The following ARHGEF33 variants were observed in gnomAD, a reference collection of about 807,000 sequenced individuals.
ARHGEF33 encodes the protein Rho guanine nucleotide exchange factor 33.
In ARHGEF33, 72 loss-of-function variants were observed where a neutral mutation model predicts 101.9. That is an observed-to-expected ratio of 0.71 (90% confidence interval 0.58 to 0.86). The LOEUF (loss-of-function observed/expected upper bound fraction) is 0.86. ARHGEF33 is among the 40% of genes least tolerant of loss of function. The probability of loss-of-function intolerance (pLI) is 0.00; values close to 1 mark genes in which losing one functional copy is unlikely to be tolerated. For missense variants in ARHGEF33, 1,169 were observed against 1,111.3 expected, an observed-to-expected ratio of 1.05 and a Z score of -0.74; for synonymous variants, 499 against 442.5, an observed-to-expected ratio of 1.13 and a Z score of -1.60.
At chr2:38,938,357 G>A (rs183897316) in intron 9 of ARHGEF33, among the ~76,000 whole-genome samples, 1 of 152,188 alleles carries the variant, frequency 6.6e-6, no homozygotes, top group East Asian at 1.9e-4. Flanking sequence ...AACATAGTGA[G>A]ACCCCTGTCT....
chr2:38,960,433 A>T lies in ARHGEF33; in HGVS notation c.2128A>T (p.Lys710Ter). The T allele has an allele frequency of 2.7e-6, 4 of 1,508,582 alleles. No homozygotes were observed. Among genetic ancestry groups the T allele is most frequent in the Non-Finnish European group, 3.5e-6 (4 of 1,135,388 alleles). 93.4% of individuals were successfully genotyped at this position (1,508,582 alleles called of 1,614,324 possible). A position where few individuals can be genotyped will look rare whatever the true frequency, so the allele number is the denominator to read the frequency against. ...GGCCAAGCCGCTGAGCCGCTCTCTC[A>T]AAGAGTTCCCGCGTGCGCCGCCAGC... is the stretch of plus-strand genomic sequence containing the variant. The part of the protein sequence containing the change: ...GKAKPLSRSL[K>*]EFPRAPPADG... The change falls in exon 16 of 18, where the codon AAA becomes TAA. Residue 710 changes from lysine to a stop codon, truncating the protein, a stop_gained. Transcript: ENST00000409978. LOFTEE classifies it high-confidence loss of function.
At chr2:38,955,073 T>C (rs995118586) in intron 13 of ARHGEF33, among the ~76,000 whole-genome samples, 5 of 152,218 alleles carry the variant, frequency 3.3e-5, no homozygotes, top group African/African-American at 1.2e-4. Context: ...CCTCATCCAG[T>C]TCTTTCCATT....
chr2:38,947,179 G>C (rs1667471933), intron 10 of ARHGEF33, among the ~76,000 whole-genome samples: 2 of 152,158 alleles, frequency 1.3e-5, no homozygotes, highest in African/African-American at 4.8e-5. Context: ...TCCACTGCAA[G>C]TACAACTTGA....
chr2:38,941,685 C>T (rs1186341917), intron 9 of ARHGEF33, among the ~76,000 whole-genome samples: 1 of 151,786 alleles, frequency 6.6e-6, no homozygotes, highest in Non-Finnish European at 1.5e-5. Context: ...GTAGCTGGGA[C>T]TACAGCCGTC....
At chr2:38,943,840 A>G in intron 9 of ARHGEF33, 61 bp from the exon 10 acceptor site, 2 of 1,483,574 alleles carry the variant, frequency 1.3e-6, no homozygotes, top group Non-Finnish European at 9.1e-7. Flanking sequence ...TATTGCTTGC[A>G]TTTAATGGGA....
intron 13 of ARHGEF33, among the ~76,000 whole-genome samples, chr2:38,954,840 G>A (rs188044904): frequency 6.6e-6 from 1 of 152,010 alleles, no homozygotes; most frequent in Non-Finnish European, 1.5e-5. Flanking sequence ...CACCATGTTG[G>A]CCAGGCTGGT....
intron 9 of ARHGEF33, among the ~76,000 whole-genome samples, 158 bp from the exon 10 acceptor site, chr2:38,943,743 A>G (rs1667370354): frequency 6.6e-6 from 1 of 152,176 alleles, no homozygotes; most frequent in Non-Finnish European, 1.5e-5. Flanking sequence ...TGCTGAATGA[A>G]TTACTGCGCC....
At chr2:38,943,647 T>G (rs1022015417) in intron 9 of ARHGEF33, among the ~76,000 whole-genome samples, 7 of 152,248 alleles carry the variant, frequency 4.6e-5, no homozygotes, top group African/African-American at 1.7e-4. Context: ...TTGCCCCTGG[T>G]GTCTCCAATC....
chr2:38,890,598 T>C (rs1321328685), intron 1 of ARHGEF33, among the ~76,000 whole-genome samples: 1 of 152,210 alleles, frequency 6.6e-6, no homozygotes, highest in Non-Finnish European at 1.5e-5. Context: ...TTAAACATTG[T>C]CTTAAGTGAG....
chr2:38,965,905 A>G, intron 16 of ARHGEF33, 101 bp from the exon 17 acceptor site: 5 of 1,409,670 alleles, frequency 3.5e-6, no homozygotes, highest in Non-Finnish European at 4.8e-6. Context: ...GTCTTTTGGC[A>G]TGGGAGAGGA....
rs190209905 is a variant in ARHGEF33 at position 38,938,597 on chromosome 2, C to T, written c.790+1038C>T. Among the ~76,000 whole-genome samples, 26 of 152,220 alleles carry T rather than the reference C, an allele frequency of 1.7e-4. 1 individual carries two copies. The South Asian group carries it at 2.9e-3, about 17-fold the overall frequency. On this transcript the variant is annotated intron_variant, in intron 9 of 17. Coordinates refer to ENST00000409978, the MANE Select transcript of ARHGEF33 (RefSeq NM_001145451.5). ...TAATACTTTATTGAAGGTGAATTTACATAGAGTAAAATTCACAGAGCTTAC... is the reference window on the plus strand; with the variant it reads ...TAATACTTTATTGAAGGTGAATTTATATAGAGTAAAATTCACAGAGCTTAC...
intron 4 of ARHGEF33, among the ~76,000 whole-genome samples, chr2:38,923,226 T>C (rs1666799934): frequency 6.6e-6 from 1 of 152,170 alleles, no homozygotes; most frequent in South Asian, 2.1e-4. Flanking sequence ...ACCTCTGTGA[T>C]GCTATTATAA....
chr2:38,925,670 C>T (rs1277586677), intron 4 of ARHGEF33, among the ~76,000 whole-genome samples: 1 of 152,138 alleles, frequency 6.6e-6, no homozygotes, highest in Non-Finnish European at 1.5e-5. Context: ...TCTTCAGTGA[C>T]CCTGGTTTAG....
At position 38,958,070 on chromosome 2, in the gene ARHGEF33, C is replaced by G. The variant is rs1667814641; in HGVS notation, c.1407C>G (p.Ser469=). 8 of 1,552,206 alleles carry G rather than the reference C, an allele frequency of 5.2e-6. No homozygotes were observed. The highest frequency in any genetic ancestry group is 7.0e-6 in the Non-Finnish European group (8 of 1,147,110). ...SMAKLYKGLA[S]QCANAGQDAS... ...CGAAGCTGTACAAAGGGCTGGCTTC[C>G]CAGTGTGCCAATGCTGGGCAAGATG... is the stretch of plus-strand genomic sequence containing the variant. Residue 469 remains serine, a synonymous_variant, in exon 15 of 18, where the codon TCC becomes TCG. Transcript: ENST00000409978.
chr2:38,918,155 G>A (rs1028507638), intron 2 of ARHGEF33, among the ~76,000 whole-genome samples: 10 of 152,200 alleles, frequency 6.6e-5, no homozygotes, highest in Non-Finnish European at 1.5e-5. Flanking sequence ...TAGCAGCAAT[G>A]CCTAAATCAC....
intron 17 of ARHGEF33, among the ~76,000 whole-genome samples, chr2:38,968,484 T>G (rs1344810443): frequency 6.6e-6 from 1 of 152,156 alleles, no homozygotes; most frequent in East Asian, 1.9e-4. Context: ...AAGACCAGGT[T>G]TTATCTTTCT....
intron 2 of ARHGEF33, among the ~76,000 whole-genome samples, chr2:38,914,281 T>C (rs375171307): frequency 2.7e-3 from 414 of 152,348 alleles, no homozygotes; most frequent in Non-Finnish European, 4.4e-3. Flanking sequence ...TTGTTTGCCA[T>C]GGCAAAATAA....
At position 38,958,065 on chromosome 2, in the gene ARHGEF33, G is replaced by C; in HGVS notation, c.1402G>C (p.Ala468Pro). 1.2e-5 allele frequency: 19 copies of C among 1,552,236 alleles called. No individual in the cohort carries two copies. Among genetic ancestry groups the C allele is most frequent in the Non-Finnish European group, 1.6e-5 (18 of 1,147,130 alleles). ...CATGGCGAAGCTGTACAAAGGGCTG[G>C]CTTCCCAGTGTGCCAATGCTGGGCA... ...SSMAKLYKGL[A>P]SQCANAGQDA... The change falls in exon 15 of 18, where the codon GCT becomes CCT. Residue 468 changes from alanine to proline, a missense_variant. Physicochemically the swap from Ala to Pro is conservative, Grantham distance 27 (BLOSUM62 -1). Transcript: ENST00000409978.
At chr2:38,968,068 G>A (rs1311601952) in intron 17 of ARHGEF33, among the ~76,000 whole-genome samples, 1 of 150,730 alleles carries the variant, frequency 6.6e-6, no homozygotes, top group Non-Finnish European at 1.5e-5. Flanking sequence ...TTCACCACTG[G>A]TCCCTTTACT....
Sources: allele counts gnomAD v4.1 joint callset (sites outside exome capture counted in the v4.1 genomes callset), GRCh38; gene constraint gnomAD v4.1.1; transcripts MANE v1.5; gene names NCBI Gene and HGNC (gene_info 2026-07-23, HGNC 2026-07-21).